Variants in IL1RAPL1 observed in about 807,000 individuals in gnomAD.
The protein encoded by IL1RAPL1 is interleukin 1 receptor accessory protein like 1.
IL1RAPL1 carries 3 observed loss-of-function variants against 48.4 expected under a neutral mutation model. The ratio of observed to expected loss-of-function variants is 0.06; its 90% confidence interval spans 0.03 to 0.16. IL1RAPL1 has a LOEUF of 0.16. Among genes scored for constraint, IL1RAPL1 ranks in the 10% least tolerant of loss-of-function variants. IL1RAPL1 has a pLI of 1.00. For synonymous variants in IL1RAPL1, 185 were observed against 187.7 expected (o/e 0.99, Z 0.12); for missense variants, 349 against 530.6 (o/e 0.66, Z 3.36).
chrX:28,999,924 A>G (rs1460977448), intron 2 of IL1RAPL1, among the ~76,000 whole-genome samples: 1 of 111,855 alleles, frequency 8.9e-6, no homozygotes, highest in East Asian at 2.8e-4. Flanking sequence ...AAGAGTCACT[A>G]ACTTTAAAGT....
At chrX:28,847,821 C>A (rs1921551597) in intron 2 of IL1RAPL1, among the ~76,000 whole-genome samples, 1 of 111,632 alleles carries the variant, frequency 9.0e-6, no homozygotes, top group Non-Finnish European at 1.9e-5. Context: ...ACTCTTTTCA[C>A]CAATGACTTT....
chrX:29,118,225 A>G (rs1244781812), intron 2 of IL1RAPL1, among the ~76,000 whole-genome samples: 1 of 112,297 alleles, frequency 8.9e-6, no homozygotes, highest in African/African-American at 3.2e-5. Flanking sequence ...AGATATTGAT[A>G]ATAGCAATAA....
At position 28,864,515 on chromosome X, in the gene IL1RAPL1, G is replaced by T. The variant is rs188292891; in HGVS notation, c.82+75090G>T. 8.1e-5 allele frequency among the ~76,000 whole-genome samples: 9 copies of T among 111,530 alleles called. No individual in the cohort carries two copies. The East Asian group carries it at 2.5e-3, about 31-fold the overall frequency. ...GGGAAAGAGTTATGAAAAATAGAGT[G>T]AATAACTATTTTAGATAGGGTGGTA... On this transcript the variant is annotated intron_variant, in intron 2 of 10. Transcript: ENST00000378993.
At chrX:29,170,560 T>C (rs1205821300) in intron 2 of IL1RAPL1, among the ~76,000 whole-genome samples, 8 of 111,740 alleles carry the variant, frequency 7.2e-5, no homozygotes, top group South Asian at 7.4e-4. Flanking sequence ...GTTTTATGAA[T>C]AGGTTGGATG....
intron 1 of IL1RAPL1, among the ~76,000 whole-genome samples, chrX:28,681,069 T>C (rs1180655762): frequency 8.9e-6 from 1 of 111,902 alleles, no homozygotes; most frequent in African/African-American, 3.2e-5. Flanking sequence ...TGGAAGGTTT[T>C]TGATTACTGA....
At chrX:29,939,861 ATT>A (rs35163237) in intron 8 of IL1RAPL1, among the ~76,000 whole-genome samples, 10 of 90,011 alleles carry the variant, frequency 1.1e-4, no homozygotes, top group East Asian at 3.3e-4. Flanking sequence ...ATGAATGAGG[ATT>A]TTTTTTTTTT....
chrX:28,865,308 A>G (rs1922051203), intron 2 of IL1RAPL1, among the ~76,000 whole-genome samples: 1 of 110,582 alleles, frequency 9.0e-6, no homozygotes, highest in African/African-American at 3.3e-5. Context: ...CTGTGGTGGC[A>G]TGTGCCTATA....
At chrX:29,316,111 G>A (rs894638229) in intron 3 of IL1RAPL1, among the ~76,000 whole-genome samples, 1 of 112,122 alleles carries the variant, frequency 8.9e-6, no homozygotes, top group Non-Finnish European at 1.9e-5. Flanking sequence ...CTCACTTTCT[G>A]AAACATTTTA....
At chrX:29,116,599 G>T (rs1047495019) in intron 2 of IL1RAPL1, among the ~76,000 whole-genome samples, 2 of 111,740 alleles carry the variant, frequency 1.8e-5, no homozygotes, top group African/African-American at 3.2e-5. Context: ...GAAAGATAAA[G>T]AAATGCCCAT....
At chrX:29,333,767 C>T (rs1157407010) in intron 3 of IL1RAPL1, among the ~76,000 whole-genome samples, 1 of 88,140 alleles carries the variant, frequency 1.1e-5, no homozygotes, top group Admixed American at 1.1e-4. Context: ...CTGACCCCCC[C>T]CACCTCCCTC....
At chrX:29,906,034 C>T (rs1452901933) in intron 6 of IL1RAPL1, among the ~76,000 whole-genome samples, 2 of 110,481 alleles carry the variant, frequency 1.8e-5, no homozygotes, top group Non-Finnish European at 3.8e-5. Flanking sequence ...ATTTGTACCC[C>T]TATCAGTGTC....
chrX:28,678,026 G>A (rs1935018556), intron 1 of IL1RAPL1, among the ~76,000 whole-genome samples: 1 of 110,826 alleles, frequency 9.0e-6, no homozygotes, highest in Non-Finnish European at 1.9e-5. Flanking sequence ...TCGCCAGTCA[G>A]AGGCCAAAAA....
At chrX:29,340,463 T>C (rs1255238989) in intron 3 of IL1RAPL1, among the ~76,000 whole-genome samples, 1 of 112,425 alleles carries the variant, frequency 8.9e-6, no homozygotes, top group African/African-American at 3.2e-5. Flanking sequence ...GTCTGGCTTC[T>C]TTCACTTAGC....
chrX:29,008,613 A>T (rs1023038785), intron 2 of IL1RAPL1, among the ~76,000 whole-genome samples: 7 of 112,537 alleles, frequency 6.2e-5, no homozygotes, highest in Non-Finnish European at 1.3e-4. Flanking sequence ...TTAAAAGTAC[A>T]GTTTTTTAAA....
At chrX:29,121,811 A>C (rs1454780195) in intron 2 of IL1RAPL1, among the ~76,000 whole-genome samples, 2 of 112,069 alleles carry the variant, frequency 1.8e-5, no homozygotes, top group African/African-American at 3.2e-5. Flanking sequence ...CCAGGATTAG[A>C]ACATGAACAT....
chrX:29,172,159 A>G (rs1929921280), intron 2 of IL1RAPL1, among the ~76,000 whole-genome samples: 1 of 112,516 alleles, frequency 8.9e-6, no homozygotes, highest in Non-Finnish European at 1.9e-5. Context: ...TGTGAACTGA[A>G]GTTTTTCTAA....
intron 5 of IL1RAPL1, among the ~76,000 whole-genome samples, chrX:29,565,711 AC>A (rs1470937869): frequency 8.9e-6 from 1 of 111,804 alleles, no homozygotes; most frequent in Non-Finnish European, 1.9e-5. Flanking sequence ...AGAAATTAAA[AC>A]TTTTGGTATT....
At chrX:29,074,285 G>T (rs1323185901) in intron 2 of IL1RAPL1, among the ~76,000 whole-genome samples, 1 of 111,368 alleles carries the variant, frequency 9.0e-6, no homozygotes, top group Non-Finnish European at 1.9e-5. Flanking sequence ...GGGCTCTGGA[G>T]GTTGTGGCGA....
At chrX:29,766,454 AAT>A (rs145689166) in intron 6 of IL1RAPL1, among the ~76,000 whole-genome samples, 8,579 of 88,929 alleles carry the variant, frequency 0.096, 432 homozygotes, top group Middle Eastern at 0.25. Flanking sequence ...TATATGTCCA[AAT>A]ATATATATAT....
Sources: gnomAD v4.1 joint callset for allele counts (sites outside exome capture counted in the v4.1 genomes callset) on GRCh38, gnomAD v4.1.1 for gene constraint, MANE v1.5 for transcripts, NCBI Gene and HGNC (gene_info 2026-07-23, HGNC 2026-07-21) for gene names.